Variants in PCDH15 observed in about 807,000 individuals in gnomAD.
PCDH15 encodes the protein protocadherin-15.
A neutral mutation model predicts 178.5 loss-of-function variants in PCDH15; 129 were observed. The ratio of observed to expected loss-of-function variants is 0.72; its 90% confidence interval spans 0.63 to 0.84. The LOEUF (loss-of-function observed/expected upper bound fraction) is 0.84, where lower values mean the gene tolerates loss of function less well. PCDH15 is among the 40% of genes least tolerant of loss of function. The pLI is 0.00. For missense variants in PCDH15, 2,230 were observed against 2,099.9 expected (o/e 1.06, Z -1.21); for synonymous variants, 800 against 732.0 (o/e 1.09, Z -1.50).
intron 2 of PCDH15, among the ~76,000 whole-genome samples, chr10:55,378,551 C>T (rs1351323202): frequency 6.6e-6 from 1 of 152,128 alleles, no homozygotes; most frequent in Non-Finnish European, 1.5e-5. Context: ...CTATTTACCT[C>T]ATTTTTGATT....
chr10:53,968,312 C>A (rs2089272811), intron 21 of PCDH15, among the ~76,000 whole-genome samples: 1 of 152,104 alleles, frequency 6.6e-6, no homozygotes. Flanking sequence ...GGAGGGGCAT[C>A]CACCATTGCT....
chr10:54,588,840 C>T (rs1039005499), intron 2 of PCDH15, among the ~76,000 whole-genome samples: 2 of 152,122 alleles, frequency 1.3e-5, no homozygotes, highest in Non-Finnish European at 2.9e-5. Flanking sequence ...TTCTTAAGTG[C>T]TGGTATTATA....
intron 16 of PCDH15, among the ~76,000 whole-genome samples, chr10:54,088,888 T>C (rs2094555372): frequency 6.6e-6 from 1 of 152,176 alleles, no homozygotes; most frequent in Non-Finnish European, 1.5e-5. Flanking sequence ...CAGGTGCTTA[T>C]ATATCTATCT....
At chr10:55,072,109 G>A (rs944807012) in intron 2 of PCDH15, among the ~76,000 whole-genome samples, 38 of 151,816 alleles carry the variant, frequency 2.5e-4, no homozygotes, top group African/African-American at 9.0e-4. Context: ...TGTGTAGAGG[G>A]AAATTTATAG....
At chr10:54,207,252 T>C (rs1429674602) in intron 10 of PCDH15, among the ~76,000 whole-genome samples, 2 of 152,124 alleles carry the variant, frequency 1.3e-5, no homozygotes, top group Non-Finnish European at 2.9e-5. Flanking sequence ...GCTTCCATAA[T>C]TGGCATAATA....
At chr10:54,743,461 C>T (rs750102835) in intron 1 of PCDH15, among the ~76,000 whole-genome samples, 1 of 151,944 alleles carries the variant, frequency 6.6e-6, no homozygotes, top group African/African-American at 2.4e-5. Context: ...TAGAAGGCCA[C>T]ATTTGGTTCA....
In PCDH15 at chr10:54,066,921, G is replaced by A. The variant is rs749738585; in HGVS notation, c.2092-36C>T. ...AACACAAGCATTAAATGTGAGAGGA[G>A]CTATTTTTACTTAGAATTCATTTAA... On this transcript the variant is annotated intron_variant, in intron 17 of 37. Transcript: ENST00000644397. 106 of 1,604,816 alleles carry A rather than the reference G, an allele frequency of 6.6e-5. 1 individual carries two copies. The South Asian group carries it at 8.5e-4, about 13-fold the overall frequency.
At chr10:54,679,544 G>A (rs2094861689) in intron 1 of PCDH15, among the ~76,000 whole-genome samples, 1 of 152,162 alleles carries the variant, frequency 6.6e-6, no homozygotes, top group African/African-American at 2.4e-5. Context: ...ATTAAATACA[G>A]AGCATAAGCT....
chr10:55,019,558 C>T (rs555934124), intron 2 of PCDH15, among the ~76,000 whole-genome samples: 8 of 152,132 alleles, frequency 5.3e-5, no homozygotes, highest in Admixed American at 3.3e-4. Context: ...CCATCTGGCC[C>T]TCTTCATGTT....
chr10:53,827,475 G>C lies in PCDH15; in HGVS notation c.4285C>G (p.Pro1429Ala), dbSNP rs1354240826. 1.9e-6 allele frequency: 3 copies of C among 1,614,080 alleles called. No individual in the cohort carries two copies. Among genetic ancestry groups the C allele is most frequent in the Non-Finnish European group, 1.7e-6 (2 of 1,179,946 alleles). The change falls in exon 32 of 38, where the codon CCT (proline) becomes GCT (alanine). Residue 1429 changes from proline (P) to alanine (A), a missense_variant. By Grantham distance (27) the Pro-to-Ala change is conservative. Transcript: ENST00000644397. ...GGCGGGGGCGCTGCCACTGGTGCAG[G>C]AGCCGGCACTGCTGGTTTAGCCGCG... Reference protein sequence around the residue: ...LPAAKPAVPAPAPVAAPPPPP... With the variant: ...LPAAKPAVPAAAPVAAPPPPP...
Position 53,807,126 on chromosome 10 carries a change from G to A in PCDH15, c.4676C>T (p.Ala1559Val). ...AEEEYEEEEWARKRMIKLVVD... is the reference protein window; with the variant it reads ...AEEEYEEEEWVRKRMIKLVVD... ...AACTAACTTGATCATTCTTTTTCTT[G>A]CCCACTGATAAAATAAACAAAAATA... The change falls in exon 38 of 38, where the codon GCA becomes GTA. Residue 1559 changes from alanine to valine, a missense_variant. Ala to Val is a moderately conservative substitution (Grantham distance 64). Coordinates refer to ENST00000644397, the MANE Select transcript of PCDH15 (RefSeq NM_001384140.1). The A allele has an allele frequency of 6.3e-7, 1 of 1,586,276 alleles. No homozygotes were observed. The highest frequency in any genetic ancestry group is 8.6e-7 in the Non-Finnish European group (1 of 1,167,198).
At chr10:53,935,669 A>G (rs568430008) in intron 25 of PCDH15, among the ~76,000 whole-genome samples, 91 of 152,328 alleles carry the variant, frequency 6.0e-4, no homozygotes, top group African/African-American at 2.1e-3. Context: ...AAAACTAAAC[A>G]TATTTGTCAT....
At position 54,197,876 on chromosome 10, in the gene PCDH15, G is replaced by A. The variant is rs144150268; in HGVS notation, c.1099-1987C>T. 2.7e-4 allele frequency among the ~76,000 whole-genome samples: 41 copies of A among 152,150 alleles called. No homozygotes were observed. The East Asian group carries it at 7.5e-3, about 28-fold the overall frequency. On this transcript the variant is annotated intron_variant, in intron 10 of 37. Transcript: ENST00000644397. ...AATTATGCTAATTAATAAACCCATAGGGAGGTAATGTCATATAATGCATTG... is the reference window on the plus strand; with the variant it reads ...AATTATGCTAATTAATAAACCCATAAGGAGGTAATGTCATATAATGCATTG...
chr10:55,489,478 C>T (rs577884610), intron 2 of PCDH15, among the ~76,000 whole-genome samples: 1 of 151,600 alleles, frequency 6.6e-6, no homozygotes, highest in South Asian at 2.1e-4. Context: ...TTTAAATTTT[C>T]TAGGCAGTAC....
chr10:55,351,238 A>T (rs1223230266), intron 2 of PCDH15, among the ~76,000 whole-genome samples: 2 of 151,218 alleles, frequency 1.3e-5, no homozygotes, highest in East Asian at 1.9e-4. Context: ...CTTCTCATTC[A>T]CTTCTCCTCC....
chr10:53,920,259 T>C (rs892682290), intron 25 of PCDH15, among the ~76,000 whole-genome samples: 2 of 151,940 alleles, frequency 1.3e-5, no homozygotes, highest in African/African-American at 4.8e-5. Flanking sequence ...ATGTTTATAA[T>C]CACCATACAC....
intron 2 of PCDH15, among the ~76,000 whole-genome samples, chr10:55,115,891 T>C (rs1837618588): frequency 6.6e-6 from 1 of 152,212 alleles, no homozygotes; most frequent in Non-Finnish European, 1.5e-5. Flanking sequence ...CTTTTCACTT[T>C]GAGAATATAT....
intron 2 of PCDH15, among the ~76,000 whole-genome samples, chr10:55,426,440 C>G (rs1230392655): frequency 6.6e-6 from 1 of 152,114 alleles, no homozygotes; most frequent in Admixed American, 6.6e-5. Context: ...GGTACAGGAG[C>G]AGGCAGAATC....
chr10:54,417,017 TA>T (rs1237205682), intron 3 of PCDH15, among the ~76,000 whole-genome samples: 2 of 152,158 alleles, frequency 1.3e-5, no homozygotes, highest in African/African-American at 4.8e-5. Context: ...TTCTGCATGT[TA>T]AGCCTTTGGC....
Sources: gnomAD v4.1 joint callset for allele counts (sites outside exome capture counted in the v4.1 genomes callset) on GRCh38, gnomAD v4.1.1 for gene constraint, MANE v1.5 for transcripts, NCBI Gene and HGNC (gene_info 2026-07-23, HGNC 2026-07-21) for gene names.